PDE4C: variants seen among roughly 807,000 people sequenced by gnomAD.
PDE4C encodes 3',5'-cyclic-AMP phosphodiesterase 4C.
A neutral mutation model predicts 63.9 loss-of-function variants in PDE4C; 50 were observed. That is an observed-to-expected ratio of 0.78 (90% CI 0.62 to 0.99). PDE4C has a LOEUF of 0.99. PDE4C is among the 50% of genes least tolerant of loss of function. The probability of loss-of-function intolerance (pLI) is 0.00; values close to 1 mark genes in which losing one functional copy is unlikely to be tolerated. For missense variants in PDE4C, 777 were observed against 899.1 expected (o/e 0.86, Z 1.74); for synonymous variants, 377 against 385.1 (o/e 0.98, Z 0.25).
chr19:18,224,614 T>A, intron 1 of PDE4C: 1 of 678,608 alleles, frequency 1.5e-6, no homozygotes, highest in South Asian at 6.6e-5. Flanking sequence ...ACGCTCGGTC[T>A]GCTTCGAACA....
rs373663195 is a variant in PDE4C at position 18,233,157 on chromosome 19, G to A, written c.35C>T (p.Ala12Val). The change falls in exon 1 of 15, where the codon GCT becomes GTT. Residue 12 changes from alanine to valine, a missense_variant. By Grantham distance (64) the Ala-to-Val change is moderately conservative (BLOSUM62 0). Transcript: ENST00000594465. ...GCGAGAGCGACTCAACCTGCTGCAA[G>A]CCTCTGCCCCTTCGCCGACCCCCAG... is the stretch of plus-strand genomic sequence containing the variant. 10 of 1,558,680 alleles carry A rather than the reference G, an allele frequency of 6.4e-6. No homozygotes were observed. In the East Asian group the frequency reaches 2.1e-4, roughly 33 times the overall value.
intron 12 of PDE4C, among the ~76,000 whole-genome samples, chr19:18,214,359 T>C (rs1192110422): frequency 6.6e-6 from 1 of 152,038 alleles, no homozygotes; most frequent in East Asian, 1.9e-4. Context: ...TAGGGTGACT[T>C]GTGCCTGAGG....
chr19:18,219,561 C>T (rs1340208474), intron 7 of PDE4C, 164 bp from the exon 8 acceptor site: 4 of 718,248 alleles, frequency 5.6e-6, no homozygotes, highest in African/African-American at 3.6e-5. Flanking sequence ...CAGTGGCTCA[C>T]GCCTGTAATC....
rs55854167 is a variant in PDE4C at position 18,211,345 on chromosome 19, C to A, written c.1696-69G>T. 9.2e-3 allele frequency: 12,301 copies of A among 1,342,886 alleles called. 93 individuals carry two copies. Among genetic ancestry groups the A allele is most frequent in the Non-Finnish European group, 0.011 (10,952 of 990,810 alleles). 83.2% of individuals were successfully genotyped at this position (1,342,886 alleles called of 1,614,324 possible). A position where few individuals can be genotyped will look rare whatever the true frequency, so the allele number is the denominator to read the frequency against. On this transcript the variant is annotated intron_variant, in intron 14 of 14. Coordinates refer to ENST00000262805, the Ensembl canonical transcript of PDE4C. ...TGAACCCTAGACTCAATCCAGCCTC[C>A]AGATCTTTAGCCAAGTTGTTCCCTC...
chr19:18,215,284 C>T (rs1401147489), intron 12 of PDE4C, among the ~76,000 whole-genome samples: 2 of 152,180 alleles, frequency 1.3e-5, no homozygotes, highest in African/African-American at 2.4e-5. Flanking sequence ...CCTTTCTGAC[C>T]TCTTTGGCTG....
At chr19:18,218,337 G>C (rs763893350) in exon 10 of PDE4C, 2 of 1,614,084 alleles carry the variant, frequency 1.2e-6, no homozygotes, top group African/African-American at 2.7e-5. Context: ...GCAGTACCTC[G>C]AGGGCGGGCG....
chr19:18,221,406 G>T (rs1968479931), intron 2 of PDE4C, 109 bp from the exon 3 acceptor site: 1 of 1,176,386 alleles, frequency 8.5e-7, no homozygotes, highest in Non-Finnish European at 1.2e-6. Flanking sequence ...TCTCCTCCAG[G>T]CTCCTTCTTA....
At chr19:18,251,752 C>G (rs887056426), upstream of PDE4C, among the ~76,000 whole-genome samples, 3 of 128,092 alleles carry the variant, frequency 2.3e-5, no homozygotes, top group African/African-American at 8.0e-5. Context: ...CGCGCCCCGC[C>G]ATTTTTAGAT....
At chr19:18,208,883 G>A (rs1967806180), downstream of PDE4C, 1 of 152,118 alleles carries the variant, frequency 6.6e-6, no homozygotes, top group African/African-American at 2.4e-5. Context: ...CAGGAATCAG[G>A]AGACTTAGAG....
chr19:18,208,521 C>G (rs1967790248), downstream of PDE4C: 1 of 151,852 alleles, frequency 6.6e-6, no homozygotes, highest in Admixed American at 6.6e-5. Context: ...CCCACGCCCG[C>G]CACCAGGGGG....
chr19:18,244,289 T>C (rs1432373141), intron 1 of PDE4C, among the ~76,000 whole-genome samples: 2 of 150,912 alleles, frequency 1.3e-5, no homozygotes, highest in African/African-American at 4.9e-5. Context: ...CCTCCCCTTT[T>C]TGTTTTGTTT....
intron 7 of PDE4C, 151 bp from the exon 8 acceptor site, chr19:18,219,548 A>T: frequency 2.4e-6 from 2 of 830,680 alleles, no homozygotes; most frequent in South Asian, 3.7e-5. Context: ...TGTCGGCCGG[A>T]CGCAGTGGCT....
Position 18,221,607 on chromosome 19 carries a change from GGTTTGTTT to G in PDE4C, c.339-318_339-311del, listed in dbSNP as rs112520605. On this transcript the variant is annotated intron_variant, in intron 2 of 14. Coordinates refer to ENST00000262805, the Ensembl canonical transcript of PDE4C. ...TCATTTGCTGCTAATTGGCCTTAATGGTTTGTTTGTTTGTTTGTTTGTTTGTTTGTTTT... is the reference window on the plus strand; with the variant it reads ...TCATTTGCTGCTAATTGGCCTTAATGGTTTGTTTGTTTGTTTGTTTGTTTT... Among the ~76,000 whole-genome samples, 648 of 151,344 alleles carry G rather than the reference GGTTTGTTT, an allele frequency of 4.3e-3. 3 individuals carry two copies. The highest frequency in any genetic ancestry group is 7.1e-3 in the Admixed American group (108 of 15,202).
intron 1 of PDE4C, among the ~76,000 whole-genome samples, chr19:18,245,479 T>C (rs752970468): frequency 6.6e-6 from 1 of 152,266 alleles, no homozygotes; most frequent in Non-Finnish European, 1.5e-5. Context: ...TGCTGTTCCT[T>C]AAACCTGCCT....
intron 8 of PDE4C, 46 bp downstream of exon 8, chr19:18,219,188 A>T: frequency 6.2e-7 from 1 of 1,612,900 alleles, no homozygotes; most frequent in Non-Finnish European, 8.5e-7. Flanking sequence ...ATCCAGACAG[A>T]GCCAGGGACC....
chr19:18,220,689 C>CAGG lies in PDE4C; in HGVS notation c.500-175_500-174insCCT, dbSNP rs1416884576. 1.9e-5 allele frequency: 15 copies of CAGG among 786,786 alleles called. No individual in the cohort carries two copies. Among genetic ancestry groups the CAGG allele is most frequent in the Non-Finnish European group, 2.9e-5 (14 of 480,946 alleles). 48.7% of individuals were successfully genotyped at this position (786,786 alleles called of 1,614,324 possible). The stretch of plus-strand genomic sequence containing the variant: ...GAGTGCCTGTGTGACCATGAGATCT[C>CAGG]TGGGCCTCAGCCTCCTCATCTGTAA... On this transcript the variant is annotated intron_variant, in intron 5 of 14. Coordinates refer to ENST00000262805, the Ensembl canonical transcript of PDE4C. This position sits in a 1 kb window ranked among gnomAD's most constrained non-coding sequence, Gnocchi z 5.1.
chr19:18,233,095 A>G (rs1968884694), exon 1 of PDE4C: 1 of 1,570,880 alleles, frequency 6.4e-7, no homozygotes, highest in South Asian at 1.2e-5. Context: ...GGTTGCCGCC[A>G]CAGGTGCTTC....
At chr19:18,242,803 AG>A (rs1555697734) in intron 1 of PDE4C, among the ~76,000 whole-genome samples, 5 of 148,170 alleles carry the variant, frequency 3.4e-5, no homozygotes, top group African/African-American at 1.2e-4. Flanking sequence ...AAAAAAAAAA[AG>A]GGAATTGGGA....
At chr19:18,226,563 A>C, upstream of PDE4C, 1 of 464,036 alleles carries the variant, frequency 2.2e-6, no homozygotes, top group Non-Finnish European at 3.6e-6. Flanking sequence ...CCCGGGACAA[A>C]CGGGGAAACT....
Sources: gnomAD v4.1 joint callset for allele counts (sites outside exome capture counted in the v4.1 genomes callset) on GRCh38, gnomAD v4.1.1 for gene constraint, Gnocchi (gnomAD v3.1) non-coding constraint, MANE v1.5 for transcripts, NCBI Gene and HGNC (gene_info 2026-07-23, HGNC 2026-07-21) for gene names.